Variants in CADM2 observed in about 807,000 individuals in gnomAD.
CADM2 encodes the protein immunoglobulin superfamily member 4D.
In CADM2, 12 loss-of-function variants were observed where a neutral mutation model predicts 49.8. The observed-to-expected ratio is 0.24, with a 90% CI of 0.15 to 0.39. CADM2 has a LOEUF of 0.39. CADM2 is among the 10% of genes least tolerant of loss of function. The pLI is 1.00. For missense variants in CADM2, 378 were observed against 492.3 expected (o/e 0.77, Z 2.20); for synonymous variants, 214 against 175.4 (o/e 1.22, Z -1.74).
intron 1 of CADM2, among the ~76,000 whole-genome samples, chr3:85,717,655 A>G (rs375688000): frequency 3.3e-5 from 5 of 152,230 alleles, no homozygotes; most frequent in East Asian, 3.9e-4. Context: ...ACTTTGAGAT[A>G]CATTCCTTCA....
intron 1 of CADM2, among the ~76,000 whole-genome samples, chr3:85,012,247 G>A (rs948587825): frequency 6.6e-6 from 1 of 151,228 alleles, no homozygotes; most frequent in African/African-American, 2.4e-5. Flanking sequence ...GGCATTAATG[G>A]TGTATCTCAT....
chr3:85,253,171 T>C (rs993886505), intron 1 of CADM2, among the ~76,000 whole-genome samples: 6 of 152,066 alleles, frequency 3.9e-5, no homozygotes, highest in African/African-American at 1.4e-4. Flanking sequence ...ATATTTAGTT[T>C]TCACTTAGCA....
intron 1 of CADM2, among the ~76,000 whole-genome samples, chr3:85,149,474 C>A (rs962971106): frequency 6.6e-6 from 1 of 152,168 alleles, no homozygotes; most frequent in African/African-American, 2.4e-5. Flanking sequence ...CACCTGTAAT[C>A]CCAGCACTTT....
chr3:84,977,667 G>T (rs962823385), intron 1 of CADM2, among the ~76,000 whole-genome samples: 1 of 151,992 alleles, frequency 6.6e-6, no homozygotes, highest in Non-Finnish European at 1.5e-5. Flanking sequence ...CAAATTTTCA[G>T]ATTTTCAAAA....
chr3:85,047,860 TCAAA>T (rs1159042552), intron 1 of CADM2, among the ~76,000 whole-genome samples: 1 of 152,290 alleles, frequency 6.6e-6, no homozygotes, highest in Non-Finnish European at 1.5e-5. Context: ...CTTCTTCTCA[TCAAA>T]CAAAGCAGAA....
chr3:85,990,758 T>C (rs577373473), intron 8 of CADM2, among the ~76,000 whole-genome samples: 2 of 152,282 alleles, frequency 1.3e-5, no homozygotes, highest in East Asian at 1.9e-4. Flanking sequence ...TCAATGAGAT[T>C]ATCTGGCAAC....
intron 7 of CADM2, among the ~76,000 whole-genome samples, chr3:85,940,867 AG>A (rs1393468095): frequency 6.6e-6 from 1 of 151,960 alleles, no homozygotes; most frequent in Non-Finnish European, 1.5e-5. Flanking sequence ...TTATTTTTAG[AG>A]CAGTTTTAGG....
At chr3:85,809,091 T>G (rs1024213264) in intron 3 of CADM2, among the ~76,000 whole-genome samples, 2 of 152,206 alleles carry the variant, frequency 1.3e-5, no homozygotes, top group African/African-American at 4.8e-5. Context: ...ATGCAGCTAT[T>G]ATATATCTGT....
intron 8 of CADM2, among the ~76,000 whole-genome samples, chr3:86,003,941 A>G (rs1407167962): frequency 1.3e-5 from 2 of 152,212 alleles, no homozygotes; most frequent in African/African-American, 4.8e-5. Flanking sequence ...GTAATATCAC[A>G]ATAGGACTTT....
chr3:85,690,791 T>C (rs1012090853), intron 1 of CADM2, among the ~76,000 whole-genome samples: 5 of 152,242 alleles, frequency 3.3e-5, no homozygotes, highest in Non-Finnish European at 4.4e-5. Context: ...AATTGTGTTT[T>C]CATTTATAAA....
intron 8 of CADM2, among the ~76,000 whole-genome samples, chr3:86,052,799 A>G (rs1737496029): frequency 6.6e-6 from 1 of 152,136 alleles, no homozygotes; most frequent in African/African-American, 2.4e-5. Flanking sequence ...GTATGCTTAA[A>G]TAGAAAGATT....
At chr3:85,648,856 G>C (rs567870041) in intron 1 of CADM2, among the ~76,000 whole-genome samples, 1 of 151,868 alleles carries the variant, frequency 6.6e-6, no homozygotes, top group South Asian at 2.1e-4. Context: ...CAAAATAGTC[G>C]TTTTGGTTTT....
intron 1 of CADM2, among the ~76,000 whole-genome samples, chr3:85,478,898 C>T (rs2039091888): frequency 6.6e-6 from 1 of 151,886 alleles, no homozygotes; most frequent in African/African-American, 2.4e-5. Context: ...TTATCAGTTA[C>T]TCCTTTGATG....
At chr3:85,009,928 A>G (rs1349367765) in intron 1 of CADM2, among the ~76,000 whole-genome samples, 1 of 151,344 alleles carries the variant, frequency 6.6e-6, no homozygotes, top group Non-Finnish European at 1.5e-5. Flanking sequence ...AATAAATAAA[A>G]TTTGTTGTAA....
intron 1 of CADM2, among the ~76,000 whole-genome samples, chr3:85,179,365 A>G (rs1293211609): frequency 6.6e-6 from 1 of 152,012 alleles, no homozygotes; most frequent in African/African-American, 2.4e-5. Flanking sequence ...AAAGAATGTG[A>G]CTTCTTATAA....
intron 1 of CADM2, among the ~76,000 whole-genome samples, chr3:85,601,155 TATATATATATATATATATACAC>T (rs796971355): frequency 0.019 from 2,372 of 128,050 alleles, 91 homozygotes; most frequent in African/African-American, 0.067. Flanking sequence ...TATATATATA[TATATATATATATATATATACAC>T]ACACACACAC....
At chr3:85,029,312 T>A (rs933544047) in intron 1 of CADM2, among the ~76,000 whole-genome samples, 3 of 152,318 alleles carry the variant, frequency 2.0e-5, no homozygotes, top group African/African-American at 7.2e-5. Context: ...TATTCATGCT[T>A]GGCATTTCAT....
At chr3:85,242,554 A>G (rs1345585307) in intron 1 of CADM2, among the ~76,000 whole-genome samples, 1 of 151,736 alleles carries the variant, frequency 6.6e-6, no homozygotes, top group African/African-American at 2.4e-5. Context: ...CAAATTTTTG[A>G]AAAGATTAAA....
intron 1 of CADM2, among the ~76,000 whole-genome samples, chr3:85,039,024 T>C (rs1559629876): frequency 6.6e-6 from 1 of 152,118 alleles, no homozygotes; most frequent in Non-Finnish European, 1.5e-5. Flanking sequence ...TATTTTCTTA[T>C]AAACACAGAG....
Sources: gnomAD v4.1 joint callset for allele counts (sites outside exome capture counted in the v4.1 genomes callset) on GRCh38, gnomAD v4.1.1 for gene constraint, MANE v1.5 for transcripts, NCBI Gene and HGNC (gene_info 2026-07-23, HGNC 2026-07-21) for gene names.